DNAJC1: variants seen among roughly 807,000 people sequenced by gnomAD.
DNAJC1 encodes DnaJ heat shock protein family (Hsp40) member C1.
DNAJC1 carries 58 observed loss-of-function variants against 76.6 expected under a neutral mutation model. The ratio of observed to expected loss-of-function variants is 0.76; its 90% confidence interval spans 0.61 to 0.94. DNAJC1 has a LOEUF of 0.94. Ranked by LOEUF, DNAJC1 falls within the 40% of genes least tolerant of loss-of-function variation. The pLI is 0.00. For missense variants in DNAJC1, 689 were observed against 677.3 expected (o/e 1.02, Z -0.19); for synonymous variants, 258 against 267.9 (o/e 0.96, Z 0.36).
intron 8 of DNAJC1, among the ~76,000 whole-genome samples, chr10:21,878,866 TATTC>T (rs975546301): frequency 6.6e-6 from 1 of 151,980 alleles, no homozygotes; most frequent in Non-Finnish European, 1.5e-5. Context: ...ACAGAAAAAT[TATTC>T]ATTATAGCCC....
chr10:22,002,557 A>T (rs1462842245), intron 1 of DNAJC1, among the ~76,000 whole-genome samples: 1 of 152,196 alleles, frequency 6.6e-6, no homozygotes, highest in Non-Finnish European at 1.5e-5. Context: ...TGCTCAAAAA[A>T]CTTAACACCT....
chr10:21,787,645 A>G (rs908387669), intron 9 of DNAJC1, among the ~76,000 whole-genome samples: 2 of 152,140 alleles, frequency 1.3e-5, no homozygotes, highest in African/African-American at 4.8e-5. Flanking sequence ...AAAGAAGGAA[A>G]TGCCAGGCCT....
At chr10:21,798,192 C>T (rs1834770362) in intron 9 of DNAJC1, among the ~76,000 whole-genome samples, 2 of 152,172 alleles carry the variant, frequency 1.3e-5, no homozygotes, top group African/African-American at 4.8e-5. Context: ...AATCTCTTTC[C>T]CACCTCTACC....
At position 21,882,208 on chromosome 10, in the gene DNAJC1, G is replaced by A. The variant is rs943044074; in HGVS notation, c.978+74C>T. On this transcript the variant is annotated intron_variant, in intron 8 of 11. Coordinates refer to ENST00000376980, the MANE Select transcript of DNAJC1 (RefSeq NM_022365.4). ...GTGCAATAAAACAAAGCACTATATC[G>A]TGAGCTAACCCTGTATTTTATGTGC... is the stretch of plus-strand genomic sequence containing the variant. 4.6e-5 allele frequency: 62 copies of A among 1,358,222 alleles called. No individual in the cohort carries two copies. The African/African-American group carries it at 7.0e-4, about 15-fold the overall frequency. The allele number at this position is 1,358,222 out of a possible 1,614,324, so 84.1% of individuals were successfully genotyped here. A position where few individuals can be genotyped will look rare whatever the true frequency, so the allele number is the denominator to read the frequency against.
chr10:21,913,725 G>T (rs771364081), intron 6 of DNAJC1, among the ~76,000 whole-genome samples: 35 of 152,144 alleles, frequency 2.3e-4, no homozygotes, highest in Non-Finnish European at 3.4e-4. Context: ...AAGAGAATGT[G>T]TACTTTCTTC....
chr10:21,837,793 C>T (rs1396200802), intron 8 of DNAJC1, among the ~76,000 whole-genome samples: 10 of 148,702 alleles, frequency 6.7e-5, no homozygotes, highest in South Asian at 2.1e-4. Context: ...GGGCAGCCCC[C>T]GCCCGGCCAG....
At chr10:21,822,323 C>G (rs1256449026) in intron 8 of DNAJC1, among the ~76,000 whole-genome samples, 1 of 152,026 alleles carries the variant, frequency 6.6e-6, no homozygotes, top group African/African-American at 2.4e-5. Context: ...CCTGTAATCC[C>G]AGCTACACAG....
intron 11 of DNAJC1, among the ~76,000 whole-genome samples, chr10:21,758,858 G>A (rs1834206801): frequency 6.6e-6 from 1 of 152,196 alleles, no homozygotes; most frequent in Non-Finnish European, 1.5e-5. Context: ...CCTCCCATGT[G>A]CCCTTAAAAC....
chr10:21,863,527 A>G (rs984384882), intron 8 of DNAJC1, among the ~76,000 whole-genome samples: 1 of 151,716 alleles, frequency 6.6e-6, no homozygotes, highest in Non-Finnish European at 1.5e-5. Context: ...CACTGGACAT[A>G]AAAAAAATAG....
chr10:21,876,517 T>C (rs1244349040), intron 8 of DNAJC1, among the ~76,000 whole-genome samples: 1 of 152,212 alleles, frequency 6.6e-6, no homozygotes, highest in Non-Finnish European at 1.5e-5. Flanking sequence ...ATAATTGTTA[T>C]CCCAATTAAA....
intron 7 of DNAJC1, among the ~76,000 whole-genome samples, chr10:21,887,106 T>C (rs905912380): frequency 6.6e-6 from 1 of 151,900 alleles, no homozygotes; most frequent in Non-Finnish European, 1.5e-5. Flanking sequence ...CAGCCAAACC[T>C]AGAGTCAAAT....
chr10:21,834,961 A>T (rs1008389779), intron 8 of DNAJC1, among the ~76,000 whole-genome samples: 2 of 152,196 alleles, frequency 1.3e-5, no homozygotes, highest in African/African-American at 4.8e-5. Flanking sequence ...TCCCACTCTG[A>T]CACCTTTGAA....
At chr10:21,850,969 T>C (rs1474848392) in intron 8 of DNAJC1, among the ~76,000 whole-genome samples, 1 of 152,098 alleles carries the variant, frequency 6.6e-6, no homozygotes, top group Non-Finnish European at 1.5e-5. Flanking sequence ...ACATACAGAA[T>C]GAAGCAGGAC....
At chr10:21,921,032 A>G (rs551502857) in intron 3 of DNAJC1, 69 bp from the exon 4 acceptor site, 91 of 1,367,866 alleles carry the variant, frequency 6.7e-5, no homozygotes, top group Non-Finnish European at 8.2e-5. Flanking sequence ...ATTTGTGCCT[A>G]TATTACAAAA....
At chr10:21,787,284 T>C (rs1006044824) in intron 9 of DNAJC1, among the ~76,000 whole-genome samples, 1 of 151,118 alleles carries the variant, frequency 6.6e-6, no homozygotes, top group Non-Finnish European at 1.5e-5. Flanking sequence ...GCAGAGATCA[T>C]GCCATTGCAC....
chr10:21,907,342 GA>G (rs1043344102), intron 6 of DNAJC1, among the ~76,000 whole-genome samples: 2 of 146,276 alleles, frequency 1.4e-5, no homozygotes, highest in African/African-American at 5.1e-5. Context: ...CCTATGCTTT[GA>G]AATCAAATTA....
chr10:21,800,709 T>C (rs552056318), intron 9 of DNAJC1, among the ~76,000 whole-genome samples: 3 of 152,292 alleles, frequency 2.0e-5, no homozygotes, highest in African/African-American at 4.8e-5. Flanking sequence ...TCCATACATA[T>C]ACAGAGAAAC....
At chr10:21,767,275 GAA>G (rs1834312619) in intron 9 of DNAJC1, among the ~76,000 whole-genome samples, 1 of 152,098 alleles carries the variant, frequency 6.6e-6, no homozygotes, top group African/African-American at 2.4e-5. Flanking sequence ...TGGATCCACA[GAA>G]AGAATTTGGT....
chr10:21,851,599 T>C (rs1304611631), intron 8 of DNAJC1, among the ~76,000 whole-genome samples: 1 of 152,098 alleles, frequency 6.6e-6, no homozygotes, highest in African/African-American at 2.4e-5. Context: ...AAGTTAAACA[T>C]AAAATTACCA....
Sources: gnomAD v4.1 joint callset for allele counts (sites outside exome capture counted in the v4.1 genomes callset) on GRCh38, gnomAD v4.1.1 for gene constraint, MANE v1.5 for transcripts, NCBI Gene and HGNC (gene_info 2026-07-23, HGNC 2026-07-21) for gene names.